The following AGO1 variants were observed in gnomAD, a reference collection of about 807,000 sequenced individuals.
The protein encoded by AGO1 is argonaute RISC component 1.
In AGO1, 11 loss-of-function variants were observed where a neutral mutation model predicts 109.2. That is an observed-to-expected ratio of 0.10 (90% CI 0.06 to 0.17). The LOEUF is 0.17. Among genes scored for constraint, AGO1 ranks in the 10% least tolerant of loss-of-function variants. The pLI is 1.00. For synonymous variants in AGO1, 422 were observed against 418.6 expected, an observed-to-expected ratio of 1.01 and a Z score of -0.10; for missense variants, 574 against 1,140.3, an observed-to-expected ratio of 0.50 and a Z score of 7.15.
intron 11 of AGO1, among the ~76,000 whole-genome samples, chr1:35,904,230 C>G (rs1645476948): frequency 6.6e-6 from 1 of 151,280 alleles, no homozygotes; most frequent in South Asian, 2.1e-4. Context: ...CTCAGCCTCC[C>G]AAGCAGCTGG....
chr1:35,886,994 C>T (rs1302021791), intron 1 of AGO1, among the ~76,000 whole-genome samples: 2 of 152,078 alleles, frequency 1.3e-5, no homozygotes, highest in East Asian at 1.9e-4. Context: ...TCTGTCTGTC[C>T]GTGAGCTTGT....
rs764528327 is a variant in AGO1, at chr1:35,893,630, G to A, written c.513-44G>A. Reference sequence around the variant, plus strand: ...CGTGCCCAGGATGCCTCACAGGGTGGGGGCCTGTGCCCGAGGGACCAGTTC... The same window carrying A: ...CGTGCCCAGGATGCCTCACAGGGTGAGGGCCTGTGCCCGAGGGACCAGTTC... On this transcript the variant is annotated intron_variant, in intron 4 of 18. Coordinates refer to ENST00000373204, the MANE Select transcript of AGO1 (RefSeq NM_012199.5). The surrounding 1 kb of genome is among the most constrained non-coding windows in gnomAD (Gnocchi z 5.6). 16 of 1,570,140 alleles carry A rather than the reference G, an allele frequency of 1.0e-5. No individual in the cohort carries two copies. Among genetic ancestry groups the A allele is most frequent in the Non-Finnish European group, 1.3e-5 (15 of 1,154,436 alleles).
In AGO1 at chr1:35,893,806, T is replaced by C. The variant is rs1320779237; in HGVS notation, c.645T>C (p.Ile215=). 1 of 1,612,514 alleles carries C rather than the reference T, an allele frequency of 6.2e-7. No homozygotes were observed. ...CCATGTGGAAGATGATGCTCAACATTGATGGTGAGTGGGGAGAGCTATGGA... is the reference window on the plus strand; with the variant it reads ...CCATGTGGAAGATGATGCTCAACATCGATGGTGAGTGGGGAGAGCTATGGA... ...RPAMWKMMLN[I]DVSATAFYKA... is the part of the protein sequence containing the mutation. Residue 215 remains isoleucine, a synonymous_variant, in exon 5 of 19, where the codon ATT becomes ATC. Coordinates refer to ENST00000373204, the MANE Select transcript of AGO1 (RefSeq NM_012199.5). This position sits in a 1 kb window ranked among gnomAD's most constrained non-coding sequence, Gnocchi z 5.6.
In AGO1 at chr1:35,926,184, T is replaced by C. The variant is rs1645923581; in HGVS notation, c.*6577T>C. On this transcript the variant is annotated 3_prime_UTR_variant, in exon 19 of 19. Coordinates refer to ENST00000373204, the MANE Select transcript of AGO1 (RefSeq NM_012199.5). Reference sequence around the variant, plus strand: ...ATAGGAGGAGGATGATTATGGCAAATTTTGCTATAAACTTTAGTTTTAGAA... The same window carrying C: ...ATAGGAGGAGGATGATTATGGCAAACTTTGCTATAAACTTTAGTTTTAGAA... The C allele has an allele frequency of 6.6e-6, 1 of 152,156 alleles. No individual in the cohort carries two copies. Among genetic ancestry groups the C allele is most frequent in the Non-Finnish European group, 1.5e-5 (1 of 68,030 alleles). 9.4% of individuals were successfully genotyped at this position (152,156 alleles called of 1,614,324 possible). A position where few individuals can be genotyped will look rare whatever the true frequency, so the allele number is the denominator to read the frequency against.
At chr1:35,890,072 G>T (rs1262840928) in intron 2 of AGO1, among the ~76,000 whole-genome samples, 1 of 151,834 alleles carries the variant, frequency 6.6e-6, no homozygotes, top group Non-Finnish European at 1.5e-5. Context: ...ATCCAGGCTA[G>T]AGTGCAGTGG....
At chr1:35,879,938 G>A (rs1360277913), upstream of AGO1, among the ~76,000 whole-genome samples, 1 of 152,028 alleles carries the variant, frequency 6.6e-6, no homozygotes, top group Non-Finnish European at 1.5e-5. Flanking sequence ...ACAAAGTTAA[G>A]TATGAGGTTG....
At position 35,893,396 on chromosome 1, in the gene AGO1, C is replaced by A; in HGVS notation, c.512+118C>A. 1 of 1,145,032 alleles carries A rather than the reference C, an allele frequency of 8.7e-7. No individual in the cohort carries two copies. Among genetic ancestry groups the A allele is most frequent in the Non-Finnish European group, 1.2e-6 (1 of 818,884 alleles). The allele number at this position is 1,145,032 out of a possible 1,614,324, so 70.9% of individuals were successfully genotyped here. On this transcript the variant is annotated intron_variant, in intron 4 of 18. Coordinates refer to ENST00000373204, the MANE Select transcript of AGO1 (RefSeq NM_012199.5). The surrounding 1 kb of genome is among the most constrained non-coding windows in gnomAD (Gnocchi z 5.6). Reference sequence around the variant, plus strand: ...CATTAAAAAAAAAAATTATTTGAAGCCCTACCACTTGCCAGGCAAATGTGT... The same window carrying A: ...CATTAAAAAAAAAAATTATTTGAAGACCTACCACTTGCCAGGCAAATGTGT...
intron 14 of AGO1, 72 bp downstream of exon 14, chr1:35,914,346 T>A: frequency 7.9e-7 from 1 of 1,262,138 alleles, no homozygotes; most frequent in East Asian, 2.3e-5. Context: ...GCCCATGATT[T>A]CCTTCCCTCA....
chr1:35,892,477 T>G (rs1645238717), intron 2 of AGO1, 80 bp from the exon 3 acceptor site: 5 of 1,595,992 alleles, frequency 3.1e-6, no homozygotes, highest in Non-Finnish European at 4.3e-6. Flanking sequence ...GATGGGACAT[T>G]GCCTGGACTT....
intron 12 of AGO1, among the ~76,000 whole-genome samples, chr1:35,912,518 T>C (rs927068042): frequency 5.9e-5 from 9 of 152,096 alleles, no homozygotes; most frequent in Admixed American, 2.0e-4. Flanking sequence ...AAAAAACTAC[T>C]TCAGACTCAA....
chr1:35,917,974 C>A (rs578137670), intron 16 of AGO1, among the ~76,000 whole-genome samples: 23 of 152,262 alleles, frequency 1.5e-4, no homozygotes, highest in Admixed American at 3.3e-4. Context: ...CATATATAGA[C>A]CAGCTCCTAG....
chr1:35,888,743 G>T lies in AGO1; in HGVS notation c.209+133G>T. 2.0e-6 allele frequency: 2 copies of T among 977,290 alleles called. No individual in the cohort carries two copies. The highest frequency in any genetic ancestry group is 1.7e-5 in the African/African-American group (1 of 60,574). 60.5% of individuals were successfully genotyped at this position (977,290 alleles called of 1,614,324 possible). Reference sequence around the variant, plus strand: ...GAAGTTTTTGAACGGGAGATGCCACGTCGGGTAAATGCTGAAAAATAGTCC... The same window carrying T: ...GAAGTTTTTGAACGGGAGATGCCACTTCGGGTAAATGCTGAAAAATAGTCC... On this transcript the variant is annotated intron_variant, in intron 2 of 18. Coordinates refer to ENST00000373204, the MANE Select transcript of AGO1 (RefSeq NM_012199.5). This position sits in a 1 kb window ranked among gnomAD's most constrained non-coding sequence, Gnocchi z 4.1.
chr1:35,918,488 A>G (rs1645774551), intron 17 of AGO1, 65 bp downstream of exon 17: 4 of 1,179,560 alleles, frequency 3.4e-6, no homozygotes, highest in Non-Finnish European at 5.1e-6. Context: ...TATTGCCTCT[A>G]GAATGTATCA....
At position 35,901,073 on chromosome 1, in the gene AGO1, C is replaced by G. The variant is rs1174448671; in HGVS notation, c.1021-401C>G. ...CTGGGCTCACTGCAACCTCCGCCTCCCGGTTCAAGCGATTCTTGTTCCTCA... is the reference window on the plus strand; with the variant it reads ...CTGGGCTCACTGCAACCTCCGCCTCGCGGTTCAAGCGATTCTTGTTCCTCA... On this transcript the variant is annotated intron_variant, in intron 8 of 18. Coordinates refer to ENST00000373204, the MANE Select transcript of AGO1 (RefSeq NM_012199.5). The surrounding 1 kb of genome is among the most constrained non-coding windows in gnomAD (Gnocchi z 4.8). Among the ~76,000 whole-genome samples, 2 of 151,688 alleles carry G rather than the reference C, an allele frequency of 1.3e-5. No homozygotes were observed. Among genetic ancestry groups the G allele is most frequent in the Non-Finnish European group, 2.9e-5 (2 of 67,946 alleles).
At position 35,930,493 on chromosome 1, in the gene AGO1, A is replaced by G. The variant is rs1646016728; in HGVS notation, c.*10886A>G. The G allele has an allele frequency of 6.6e-6, 1 of 152,238 alleles. No individual in the cohort carries two copies. The highest frequency in any genetic ancestry group is 6.5e-5 in the Admixed American group (1 of 15,284). The allele number at this position is 152,238 out of a possible 1,614,324, so 9.4% of individuals were successfully genotyped here. ...CCCTGGAAAGGAGTTTGGGTTTTCA[A>G]GTGTGACGAGGCGCTATTAAAGAGT... On this transcript the variant is annotated 3_prime_UTR_variant, in exon 19 of 19. Coordinates refer to ENST00000373204, the MANE Select transcript of AGO1 (RefSeq NM_012199.5).
chr1:35,872,969 G>A (rs1306540893), intron 1 of AGO1, among the ~76,000 whole-genome samples: 1 of 151,494 alleles, frequency 6.6e-6, no homozygotes, highest in African/African-American at 2.4e-5. Flanking sequence ...TCCCAGGCTG[G>A]TCTTGAACTC....
At position 35,918,391 on chromosome 1, in the gene AGO1, G is replaced by A; in HGVS notation, c.2233G>A (p.Asp745Asn). 6.2e-7 allele frequency: 1 copy of A among 1,614,168 alleles called. No homozygotes were observed. Among genetic ancestry groups the A allele is most frequent in the Non-Finnish European group, 8.5e-7 (1 of 1,180,030 alleles). ...DTNITHPFEF[D>N]FYLCSHAGIQ... Reference sequence around the variant, plus strand: ...CAACATCACCCACCCATTTGAGTTTGACTTCTATCTGTGCAGCCACGCAGG... The same window carrying A: ...CAACATCACCCACCCATTTGAGTTTAACTTCTATCTGTGCAGCCACGCAGG... The change falls in exon 17 of 19, where the codon GAC becomes AAC. Residue 745 changes from aspartate to asparagine, a missense_variant. Physicochemically the swap from Asp to Asn is conservative, Grantham distance 23. Transcript: ENST00000373204.
chr1:35,914,301 T>C lies in AGO1; in HGVS notation c.1833+27T>C, dbSNP rs745328467. ...TGAGTGATATTCTGTAGCTGCCTCA[T>C]AAGGTTCTCCTCTTCGCTCTGAGTC... On this transcript the variant is annotated intron_variant, in intron 14 of 18. Transcript: ENST00000373204. 8 of 1,590,000 alleles carry C rather than the reference T, an allele frequency of 5.0e-6. No homozygotes were observed. In the African/African-American group the frequency reaches 1.1e-4, roughly 21 times the overall value.
intron 11 of AGO1, 111 bp from the exon 12 acceptor site, chr1:35,906,824 A>AC: frequency 3.2e-6 from 3 of 948,750 alleles, no homozygotes; most frequent in Non-Finnish European, 4.7e-6. Flanking sequence ...AAAAAAAAAA[A>AC]ACCAATCTCT....
Sources: gnomAD v4.1 joint callset for allele counts (sites outside exome capture counted in the v4.1 genomes callset) on GRCh38, gnomAD v4.1.1 for gene constraint, Gnocchi (gnomAD v3.1) non-coding constraint, MANE v1.5 for transcripts, NCBI Gene and HGNC (gene_info 2026-07-23, HGNC 2026-07-21) for gene names.